PLXNA2: variants seen among roughly 807,000 people sequenced by gnomAD.
The protein encoded by PLXNA2 is plexin A2.
A neutral mutation model predicts 193.5 loss-of-function variants in PLXNA2; 91 were observed. The ratio of observed to expected loss-of-function variants is 0.47; its 90% CI spans 0.40 to 0.56. PLXNA2 has a LOEUF of 0.56. PLXNA2 is among the 20% of genes least tolerant of loss of function. The pLI is 0.00. For synonymous variants in PLXNA2, 997 were observed against 1,027.3 expected (o/e 0.97, Z 0.56); for missense variants, 1,995 against 2,503.2 (o/e 0.80, Z 4.33).
In PLXNA2 at chr1:208,156,293, G is replaced by T. The variant is rs187450012; in HGVS notation, c.1372-13830C>A. 2.0e-5 allele frequency among the ~76,000 whole-genome samples: 3 copies of T among 152,284 alleles called. No individual in the cohort carries two copies. The East Asian group carries it at 5.8e-4, about 29-fold the overall frequency. ...GAAGTAATGAGTCTTCAGCTTCCCT[G>T]GAGTGGATCGGAAGACTCTTGCTCC... On this transcript the variant is annotated intron_variant, in intron 3 of 31. Coordinates refer to ENST00000367033, the MANE Select transcript of PLXNA2 (RefSeq NM_025179.4).
chr1:208,216,699 T>TGGAGCA, intron 2 of PLXNA2, 36 bp downstream of exon 2: 3 of 1,580,472 alleles, frequency 1.9e-6, no homozygotes, highest in Non-Finnish European at 2.6e-6. Flanking sequence ...ACCTGTGTCA[T>TGGAGCA]GGAGCAGGAG....
intron 4 of PLXNA2, among the ~76,000 whole-genome samples, chr1:208,122,723 G>C (rs1667843442): frequency 6.6e-6 from 1 of 152,086 alleles, no homozygotes; most frequent in South Asian, 2.1e-4. Context: ...ACAAGGCAGG[G>C]GGAAGAAAGC....
At chr1:208,197,387 C>A (rs1052709970) in intron 3 of PLXNA2, among the ~76,000 whole-genome samples, 1 of 152,222 alleles carries the variant, frequency 6.6e-6, no homozygotes, top group African/African-American at 2.4e-5. Flanking sequence ...CTGACAGTCA[C>A]CGAAGCTGAA....
chr1:208,199,425 G>C (rs924866946), intron 3 of PLXNA2, among the ~76,000 whole-genome samples: 3 of 152,220 alleles, frequency 2.0e-5, no homozygotes, highest in Admixed American at 2.0e-4. Context: ...GGGCGCAGTG[G>C]CTCACGCCTG....
chr1:208,031,287 C>A, intron 29 of PLXNA2: 3 of 1,220,748 alleles, frequency 2.5e-6, no homozygotes, highest in Non-Finnish European at 3.1e-6. Context: ...TCCTGAGAAC[C>A]AGAGATCTCA....
intron 3 of PLXNA2, among the ~76,000 whole-genome samples, chr1:208,167,864 C>T (rs1383164495): frequency 3.3e-5 from 5 of 152,202 alleles, no homozygotes; most frequent in Non-Finnish European, 7.3e-5. Flanking sequence ...CAAACACAAG[C>T]ACCTGCATGC....
intron 12 of PLXNA2, among the ~76,000 whole-genome samples, chr1:208,064,532 A>T (rs1429668102): frequency 6.6e-6 from 1 of 152,168 alleles, no homozygotes; most frequent in Non-Finnish European, 1.5e-5. Context: ...GCCTTTGGAC[A>T]TGTTACCCAT....
At chr1:208,029,090 C>T in intron 29 of PLXNA2, 48 bp from the exon 30 acceptor site, 7 of 1,604,308 alleles carry the variant, frequency 4.4e-6, no homozygotes, top group Non-Finnish European at 6.0e-6. Context: ...GGGCCGTGCC[C>T]CTTCTGCTGC....
chr1:208,048,491 A>G (rs144895613), intron 17 of PLXNA2, among the ~76,000 whole-genome samples: 7 of 152,194 alleles, frequency 4.6e-5, no homozygotes, highest in African/African-American at 1.7e-4. Context: ...GCAGGTCACC[A>G]CTGAAACTGA....
At chr1:208,154,142 C>G (rs1332415026) in intron 3 of PLXNA2, among the ~76,000 whole-genome samples, 1 of 152,174 alleles carries the variant, frequency 6.6e-6, no homozygotes, top group African/African-American at 2.4e-5. Context: ...TTCTCTTTGG[C>G]TGGACACCTG....
intron 1 of PLXNA2, among the ~76,000 whole-genome samples, chr1:208,226,282 G>A (rs1055602928): frequency 5.3e-5 from 8 of 152,078 alleles, no homozygotes; most frequent in Admixed American, 2.6e-4. Flanking sequence ...CTCCCACCCC[G>A]GCTCCTCCTC....
intron 29 of PLXNA2, 171 bp from the exon 30 acceptor site, chr1:208,029,213 C>T: frequency 4.9e-6 from 7 of 1,431,604 alleles, no homozygotes; most frequent in Non-Finnish European, 6.4e-6. Flanking sequence ...TGTTACTGAC[C>T]TGGGAGAAAT....
intron 3 of PLXNA2, among the ~76,000 whole-genome samples, chr1:208,161,568 G>A (rs1669105593): frequency 6.6e-6 from 1 of 152,168 alleles, no homozygotes; most frequent in South Asian, 2.1e-4. Flanking sequence ...GACCACCTGA[G>A]GGCACGGACG....
intron 1 of PLXNA2, among the ~76,000 whole-genome samples, chr1:208,219,218 G>A (rs372235646): frequency 6.6e-6 from 1 of 152,204 alleles, no homozygotes; most frequent in East Asian, 1.9e-4. Context: ...TGCCCAGAGG[G>A]GCAAGGTGGG....
chr1:208,166,140 G>A (rs989211604), intron 3 of PLXNA2, among the ~76,000 whole-genome samples: 1 of 152,142 alleles, frequency 6.6e-6, no homozygotes, highest in Non-Finnish European at 1.5e-5. Context: ...AACACAGAAA[G>A]GAATCAACCA....
At chr1:208,061,782 A>C (rs1665629151) in intron 12 of PLXNA2, among the ~76,000 whole-genome samples, 1 of 152,204 alleles carries the variant, frequency 6.6e-6, no homozygotes, top group Non-Finnish European at 1.5e-5. Context: ...TTGGGATCCA[A>C]CAGATCCCAG....
At chr1:208,111,617 A>C (rs1667478739) in intron 4 of PLXNA2, among the ~76,000 whole-genome samples, 1 of 152,056 alleles carries the variant, frequency 6.6e-6, no homozygotes, top group Admixed American at 6.5e-5. Flanking sequence ...TGTCCCACCT[A>C]TCTCTGGGGC....
chr1:208,098,743 G>A lies in PLXNA2; in HGVS notation c.1731+103C>T. The A allele has an allele frequency of 5.2e-6, 7 of 1,351,882 alleles. No homozygotes were observed. In the African/African-American group the frequency reaches 5.7e-5, roughly 11 times the overall value. The allele number at this position is 1,351,882 out of a possible 1,614,324, so 83.7% of individuals were successfully genotyped here. On this transcript the variant is annotated intron_variant, in intron 6 of 31. Coordinates refer to ENST00000367033, the MANE Select transcript of PLXNA2 (RefSeq NM_025179.4). ...ATAAAGTCTCCTTACTGGATTTAAA[G>A]TCTGATCAATTTACAGATACTTGTG...
At chr1:208,159,092 A>G (rs995373123) in intron 3 of PLXNA2, among the ~76,000 whole-genome samples, 5 of 152,202 alleles carry the variant, frequency 3.3e-5, no homozygotes, top group African/African-American at 9.6e-5. Context: ...GGTGACAACA[A>G]AACCACCATG....
Sources: gnomAD v4.1 joint callset for allele counts (sites outside exome capture counted in the v4.1 genomes callset) on GRCh38, gnomAD v4.1.1 for gene constraint, MANE v1.5 for transcripts, NCBI Gene and HGNC (gene_info 2026-07-23, HGNC 2026-07-21) for gene names.